MINDY3: variants seen among roughly 807,000 people sequenced by gnomAD.
MINDY3 encodes ubiquitin carboxyl-terminal hydrolase MINDY-3.
MINDY3 carries 38 observed loss-of-function variants against 69.2 expected under a neutral mutation model. That is an observed-to-expected ratio of 0.55 (90% confidence interval 0.42 to 0.72). MINDY3 has a LOEUF of 0.72. Among genes scored for constraint, MINDY3 ranks in the 30% least tolerant of loss-of-function variants. The probability of loss-of-function intolerance (pLI) is 0.00; values close to 1 mark genes in which losing one functional copy is unlikely to be tolerated. For missense variants in MINDY3, 522 were observed against 519.0 expected (o/e 1.01, Z -0.06); for synonymous variants, 192 against 180.1 (o/e 1.07, Z -0.53).
At chr10:15,830,784 T>C (rs1488077712) in intron 8 of MINDY3, among the ~76,000 whole-genome samples, 1 of 152,106 alleles carries the variant, frequency 6.6e-6, no homozygotes, top group African/African-American at 2.4e-5. Context: ...GAAGAACAAA[T>C]GACACAGATT....
At position 15,789,324 on chromosome 10, in the gene MINDY3, G is replaced by C. The variant is rs771265507; in HGVS notation, c.956-5C>G. On this transcript the variant is annotated splice_region_variant and splice_polypyrimidine_tract_variant and intron_variant, in intron 11 of 14. Coordinates refer to ENST00000277632, the MANE Select transcript of MINDY3 (RefSeq NM_024948.4). ...AATCGGGTATGAATCCATTATCTAG[G>C]GGGGAAAAAATCAGAAACAACTTGA... 10 of 1,607,082 alleles carry C rather than the reference G, an allele frequency of 6.2e-6. No individual in the cohort carries two copies. In the Admixed American group the frequency reaches 1.2e-4, roughly 19 times the overall value.
intron 9 of MINDY3, among the ~76,000 whole-genome samples, chr10:15,818,653 T>C (rs1397391678): frequency 6.6e-6 from 1 of 152,000 alleles, no homozygotes; most frequent in Non-Finnish European, 1.5e-5. Flanking sequence ...TATTTGCTCA[T>C]AAAAAGGAAT....
At chr10:15,848,823 C>G (rs561855874) in intron 1 of MINDY3, among the ~76,000 whole-genome samples, 25 of 152,188 alleles carry the variant, frequency 1.6e-4, no homozygotes, top group African/African-American at 6.0e-4. Context: ...ATCTGGATAA[C>G]CCTGTGAAGA....
chr10:15,850,870 G>A (rs1172406085), intron 1 of MINDY3, among the ~76,000 whole-genome samples: 2 of 151,996 alleles, frequency 1.3e-5, no homozygotes, highest in African/African-American at 2.4e-5. Flanking sequence ...GTCTCCCCCC[G>A]ACACCCAGCT....
At chr10:15,845,915 T>C (rs1833809346) in intron 2 of MINDY3, among the ~76,000 whole-genome samples, 1 of 148,502 alleles carries the variant, frequency 6.7e-6, no homozygotes, top group South Asian at 2.2e-4. Context: ...CTCCACCTTC[T>C]GGTTTCAAGT....
chr10:15,855,409 T>A (rs1490723740), intron 1 of MINDY3, among the ~76,000 whole-genome samples: 1 of 152,118 alleles, frequency 6.6e-6, no homozygotes, highest in East Asian at 1.9e-4. Context: ...AGAGTTCTCA[T>A]ACTCAAATTA....
intron 11 of MINDY3, among the ~76,000 whole-genome samples, chr10:15,794,490 G>T (rs1023518008): frequency 3.9e-5 from 6 of 152,028 alleles, no homozygotes; most frequent in Non-Finnish European, 8.8e-5. Flanking sequence ...TACTTTCTAA[G>T]CTATCTGAAT....
At chr10:15,820,276 C>T (rs901105205) in intron 9 of MINDY3, among the ~76,000 whole-genome samples, 2 of 152,018 alleles carry the variant, frequency 1.3e-5, no homozygotes, top group Non-Finnish European at 2.9e-5. Flanking sequence ...GGAGAGGGCT[C>T]GGCGTGTCTG....
intron 10 of MINDY3, among the ~76,000 whole-genome samples, chr10:15,812,682 A>T (rs1488104412): frequency 6.6e-6 from 1 of 152,194 alleles, no homozygotes; most frequent in Non-Finnish European, 1.5e-5. Context: ...AAGCTACAGC[A>T]TAGCTCTCCA....
Position 15,833,614 on chromosome 10 carries a change from CA to C in MINDY3, c.730+15del, listed in dbSNP as rs1832880187. ...TTATTCATCAAAGAGAGCAACATAA[CA>C]AGGAATATACTTACTCATTCCTGAG... On this transcript the variant is annotated intron_variant, in intron 8 of 14. Coordinates refer to ENST00000277632, the MANE Select transcript of MINDY3 (RefSeq NM_024948.4). The C allele has an allele frequency of 2.7e-6, 4 of 1,477,484 alleles. No homozygotes were observed. The East Asian group carries it at 9.1e-5, about 34-fold the overall frequency. The allele number at this position is 1,477,484 out of a possible 1,614,324, so 91.5% of individuals were successfully genotyped here.
At chr10:15,851,225 T>G (rs1477028577) in intron 1 of MINDY3, among the ~76,000 whole-genome samples, 1 of 152,168 alleles carries the variant, frequency 6.6e-6, no homozygotes, top group Non-Finnish European at 1.5e-5. Flanking sequence ...TCTATGCTCC[T>G]TTCATTCTAT....
chr10:15,818,330 C>A lies in MINDY3; in HGVS notation c.802-1415G>T, dbSNP rs369813673. On this transcript the variant is annotated intron_variant, in intron 9 of 14. Coordinates refer to ENST00000277632, the MANE Select transcript of MINDY3 (RefSeq NM_024948.4). ...TTAAGGTAGAAGTAAAAAAAAAAAA[C>A]AAACAAACAAAGGATAAGATCAAAG... 1.4e-3 allele frequency among the ~76,000 whole-genome samples: 196 copies of A among 141,746 alleles called. 1 individual carries two copies. The highest frequency in any genetic ancestry group is 4.3e-3 in the African/African-American group (153 of 35,826). 93.0% of individuals were successfully genotyped at this position (141,746 alleles called of 152,430 possible). A position where few individuals can be genotyped will look rare whatever the true frequency, so the allele number is the denominator to read the frequency against.
intron 7 of MINDY3, 134 bp from the exon 8 acceptor site, chr10:15,833,843 A>G (rs1832899187): frequency 1.5e-6 from 1 of 653,646 alleles, no homozygotes; most frequent in Non-Finnish European, 2.7e-6. Context: ...AAAACCTTAC[A>G]TTTTCAATTT....
chr10:15,833,691 G>A lies in MINDY3; in HGVS notation c.669C>T (p.Leu223=), dbSNP rs202127209. 1 of 1,609,678 alleles carries A rather than the reference G, an allele frequency of 6.2e-7. No individual in the cohort carries two copies. The highest frequency in any genetic ancestry group is 1.3e-5 in the African/African-American group (1 of 74,902). The change falls in exon 8 of 15, where the codon CTC becomes CTT. Residue 223 remains leucine (L), a synonymous_variant. Coordinates refer to ENST00000277632, the MANE Select transcript of MINDY3 (RefSeq NM_024948.4). ...TAGAAACAGCATGTCCCGTCAGCAG[G>A]AGATTAATTAAACTTTGGCTATTAA... ...YGHGSQSLIN[L]LLTGHAVSNV... is the part of the protein sequence containing the mutation.
intron 11 of MINDY3, among the ~76,000 whole-genome samples, chr10:15,791,292 A>C (rs558232676): frequency 2.6e-5 from 4 of 152,106 alleles, no homozygotes; most frequent in African/African-American, 9.6e-5. Flanking sequence ...AAAGGCCAGA[A>C]TCATTAAGTG....
At chr10:15,799,405 G>T (rs768703748) in intron 10 of MINDY3, among the ~76,000 whole-genome samples, 1 of 151,894 alleles carries the variant, frequency 6.6e-6, no homozygotes, top group Non-Finnish European at 1.5e-5. Flanking sequence ...CACTATCTTG[G>T]CCAGGCTGGT....
At chr10:15,821,855 T>C in intron 8 of MINDY3, 129 bp from the exon 9 acceptor site, 1 of 643,580 alleles carries the variant, frequency 1.6e-6, no homozygotes, top group South Asian at 2.2e-5. Context: ...CCCAAAACTA[T>C]ACTTTAAAAC....
chr10:15,820,417 A>T (rs1839677757), intron 9 of MINDY3, among the ~76,000 whole-genome samples: 1 of 152,174 alleles, frequency 6.6e-6, no homozygotes, highest in East Asian at 1.9e-4. Flanking sequence ...CTAGCCTCAT[A>T]CAAGACGCAG....
At chr10:15,791,248 C>T (rs111360573) in intron 11 of MINDY3, among the ~76,000 whole-genome samples, 135 of 152,048 alleles carry the variant, frequency 8.9e-4, no homozygotes, top group African/African-American at 3.1e-3. Flanking sequence ...CTTACTTTGA[C>T]ATGTTAACCA....
Sources: allele counts gnomAD v4.1 joint callset (sites outside exome capture counted in the v4.1 genomes callset), GRCh38; gene constraint gnomAD v4.1.1; transcripts MANE v1.5; gene names NCBI Gene and HGNC (gene_info 2026-07-23, HGNC 2026-07-21).